PPFIA1: variants seen among roughly 807,000 people sequenced by gnomAD.
The protein encoded by PPFIA1 is PPFI scaffold protein A1, also known as liprin-alpha-1.
Under a neutral mutation model 149.9 loss-of-function variants are expected in PPFIA1, and 25 were observed. The observed-to-expected ratio is 0.17, with a 90% confidence interval of 0.12 to 0.23. PPFIA1 has a LOEUF of 0.23. PPFIA1 is among the 10% of genes least tolerant of loss of function. The probability of loss-of-function intolerance (pLI) is 1.00; values close to 1 mark genes in which losing one functional copy is unlikely to be tolerated. For missense variants in PPFIA1, 1,362 were observed against 1,506.5 expected, an observed-to-expected ratio of 0.90 and a Z score of 1.59; for synonymous variants, 549 against 552.8, an observed-to-expected ratio of 0.99 and a Z score of 0.10.
At chr11:70,377,639 G>A (rs986992749) in intron 25 of PPFIA1, among the ~76,000 whole-genome samples, 20 of 152,086 alleles carry the variant, frequency 1.3e-4, no homozygotes, top group African/African-American at 3.4e-4. Flanking sequence ...ATTCCAGCTC[G>A]GGCAACAGAT....
chr11:70,320,436 C>CT (rs34619705), intron 2 of PPFIA1, among the ~76,000 whole-genome samples: 27,646 of 128,292 alleles, frequency 0.22, 4,683 homozygotes, highest in African/African-American at 0.46. Flanking sequence ...GATGTAGCTA[C>CT]TTTTTTTTTT....
intron 16 of PPFIA1, chr11:70,350,978 T>C (rs1417637971): frequency 1.6e-6 from 2 of 1,252,554 alleles, no homozygotes; most frequent in Non-Finnish European, 2.1e-6. Context: ...TTCATTTCTT[T>C]GCATGCATCT....
chr11:70,350,368 C>T (rs2055984261), intron 16 of PPFIA1, among the ~76,000 whole-genome samples: 1 of 152,174 alleles, frequency 6.6e-6, no homozygotes, highest in African/African-American at 2.4e-5. Context: ...CCTGTTGAGT[C>T]TCATCAACTA....
At chr11:70,305,704 A>G (rs1273015524) in intron 2 of PPFIA1, among the ~76,000 whole-genome samples, 4 of 152,154 alleles carry the variant, frequency 2.6e-5, no homozygotes, top group Non-Finnish European at 5.9e-5. Context: ...GTAGGACTGA[A>G]TTTGACTCAC....
At chr11:70,273,817 T>C (rs528200099) in intron 2 of PPFIA1, among the ~76,000 whole-genome samples, 1 of 152,392 alleles carries the variant, frequency 6.6e-6, no homozygotes, top group South Asian at 2.1e-4. Context: ...ATTTATGTTT[T>C]ACCAGGATTT....
chr11:70,324,336 C>A, intron 2 of PPFIA1, 66 bp from the exon 3 acceptor site: 1 of 1,225,746 alleles, frequency 8.2e-7, no homozygotes, highest in Non-Finnish European at 1.2e-6. Flanking sequence ...GACTGTGGAG[C>A]CTTGATGAAA....
At chr11:70,307,879 T>C (rs2052966581) in intron 2 of PPFIA1, among the ~76,000 whole-genome samples, 1 of 152,178 alleles carries the variant, frequency 6.6e-6, no homozygotes, top group Admixed American at 6.5e-5. Context: ...TGAGCCATGG[T>C]TACAGCACGG....
At chr11:70,368,506 AGGTACCTCG>A (rs1194358467) in intron 21 of PPFIA1, among the ~76,000 whole-genome samples, 2 of 152,194 alleles carry the variant, frequency 1.3e-5, no homozygotes, top group Non-Finnish European at 2.9e-5. Context: ...TGCAGACTTC[AGGTACCTCG>A]GGTACCTTCC....
intron 2 of PPFIA1, among the ~76,000 whole-genome samples, chr11:70,287,697 G>A (rs939590531): frequency 7.3e-5 from 11 of 151,494 alleles, no homozygotes; most frequent in African/African-American, 1.7e-4. Context: ...AGGCTGGAGC[G>A]CAGTGACACA....
chr11:70,279,012 T>A lies in PPFIA1; in HGVS notation c.264+6576T>A, dbSNP rs2050578891. 9.1e-5 allele frequency: 49 copies of A among 540,138 alleles called. 2 individuals carry two copies. The highest frequency in any genetic ancestry group is 8.5e-4 in the South Asian group (47 of 55,336). The allele number at this position is 540,138 out of a possible 1,614,324, so 33.5% of individuals were successfully genotyped here. ...TGTAGACTTGAAGAGAGAGCCCAATTCTTTATCTCCACGAATGGCAAGTTG... is the reference window on the plus strand; with the variant it reads ...TGTAGACTTGAAGAGAGAGCCCAATACTTTATCTCCACGAATGGCAAGTTG... On this transcript the variant is annotated intron_variant, in intron 2 of 27. Coordinates refer to ENST00000253925, the MANE Select transcript of PPFIA1 (RefSeq NM_003626.5).
At chr11:70,281,677 A>G (rs1341701063) in intron 2 of PPFIA1, among the ~76,000 whole-genome samples, 2 of 152,124 alleles carry the variant, frequency 1.3e-5, no homozygotes, top group African/African-American at 4.8e-5. Context: ...CTTCCCAGTT[A>G]TCAGTGTACT....
chr11:70,372,299 T>G lies in PPFIA1; in HGVS notation c.2950T>G (p.Phe984Val). The change falls in exon 22 of 28, where the codon TTC becomes GTC. Residue 984 changes from phenylalanine to valine, a missense_variant. Transcript: ENST00000253925. ...SLGLPQYRSY[F>V]MECLVDARML... ...GGGCCTCCCCCAGTACCGCAGCTAC[T>G]TCATGGAGTGCCTTGTAGACGCCAG... The G allele has an allele frequency of 6.2e-7, 1 of 1,614,216 alleles. No homozygotes were observed. The highest frequency in any genetic ancestry group is 1.1e-5 in the South Asian group (1 of 91,080).
intron 13 of PPFIA1, 28 bp downstream of exon 13, chr11:70,338,481 AT>A: frequency 6.4e-7 from 1 of 1,568,836 alleles, no homozygotes; most frequent in South Asian, 1.1e-5. Context: ...GAGCAGCCAT[AT>A]TGTCAGCACC....
intron 15 of PPFIA1, among the ~76,000 whole-genome samples, chr11:70,346,616 G>A (rs12291546): frequency 4.1e-4 from 63 of 152,204 alleles, no homozygotes; most frequent in Admixed American, 1.8e-3. Flanking sequence ...AATAATTAGT[G>A]TGATGAAGCG....
At chr11:70,313,013 G>A (rs767229020) in intron 2 of PPFIA1, among the ~76,000 whole-genome samples, 7 of 152,208 alleles carry the variant, frequency 4.6e-5, no homozygotes, top group African/African-American at 9.7e-5. Context: ...AGCTGGTCAG[G>A]GAAAAGTGGC....
intron 7 of PPFIA1, chr11:70,327,039 A>G (rs543674184): frequency 5.0e-4 from 256 of 513,194 alleles, no homozygotes; most frequent in Non-Finnish European, 7.9e-4. Flanking sequence ...TCTTCAAAGT[A>G]GAGAACTAGT....
chr11:70,339,450 A>G (rs2055179246), intron 14 of PPFIA1, 144 bp downstream of exon 14: 1 of 1,035,462 alleles, frequency 9.7e-7, no homozygotes, highest in South Asian at 1.8e-5. Flanking sequence ...CTAAGAGTTT[A>G]GCTTTTAGAG....
At chr11:70,354,522 A>T (rs189590451) in intron 17 of PPFIA1, 70 bp downstream of exon 17, 5 of 1,475,356 alleles carry the variant, frequency 3.4e-6, no homozygotes, top group East Asian at 2.4e-5. Context: ...GAAATCGACA[A>T]ATCTTTCCTT....
In PPFIA1 at chr11:70,378,036, G is replaced by A. The variant is rs1325108363; in HGVS notation, c.3391G>A (p.Asp1131Asn). Residue 1131 changes from aspartate (D) to asparagine (N), a missense_variant, in exon 26 of 28, where the codon GAT (aspartate) becomes AAT (asparagine). By Grantham distance (23) the Asp-to-Asn change is conservative. Around this residue, in one of 7 missense-constraint regions of PPFIA1, gnomAD observed 349 missense variants for 373.3 expected, o/e 0.93. Coordinates refer to ENST00000253925, the MANE Select transcript of PPFIA1 (RefSeq NM_003626.5). ...GTDRRFDEDDDKSFRRAPSWR... is the reference protein window; with the variant it reads ...GTDRRFDEDDNKSFRRAPSWR... ...TTGTTCCTTAATTTACCAGGATGAT[G>A]ATAAAAGCTTTAGGAGAGCACCTTC... The A allele has an allele frequency of 1.2e-6, 2 of 1,600,124 alleles. No individual in the cohort carries two copies. Among genetic ancestry groups the A allele is most frequent in the African/African-American group, 2.7e-5 (2 of 74,422 alleles).
Sources: gnomAD v4.1 joint callset for allele counts (sites outside exome capture counted in the v4.1 genomes callset) on GRCh38, gnomAD v4.1.1 for gene constraint, gnomAD v4.1.1 regional missense constraint, MANE v1.5 for transcripts, NCBI Gene and HGNC (gene_info 2026-07-23, HGNC 2026-07-21) for gene names.